The following MGAT4C variants were observed in gnomAD, a reference collection of about 807,000 sequenced individuals.
MGAT4C encodes alpha-1,3-mannosyl-glycoprotein 4-beta-N-acetylglucosaminyltransferase C.
A neutral mutation model predicts 40.1 loss-of-function variants in MGAT4C; 19 were observed. That is an observed-to-expected ratio of 0.47 (90% confidence interval 0.33 to 0.70). The LOEUF (loss-of-function observed/expected upper bound fraction) is 0.70, where lower values mean the gene tolerates loss of function less well. Ranked by LOEUF, MGAT4C falls within the 30% of genes least tolerant of loss-of-function variation. The pLI is 0.02. For missense variants in MGAT4C, 491 were observed against 563.2 expected, an observed-to-expected ratio of 0.87 and a Z score of 1.30; for synonymous variants, 181 against 187.1, an observed-to-expected ratio of 0.97 and a Z score of 0.27.
intron 2 of MGAT4C, among the ~76,000 whole-genome samples, chr12:86,469,557 G>C (rs1374485958): frequency 2.0e-5 from 3 of 152,142 alleles, no homozygotes; most frequent in Non-Finnish European, 4.4e-5. Context: ...AGTGAATCTT[G>C]TTAACAGTCA....
intron 2 of MGAT4C, among the ~76,000 whole-genome samples, chr12:86,007,467 A>G (rs1442580331): frequency 1.3e-5 from 2 of 152,118 alleles, no homozygotes; most frequent in African/African-American, 2.4e-5. Flanking sequence ...GTATCATAAG[A>G]TTTACCAAAA....
intron 2 of MGAT4C, among the ~76,000 whole-genome samples, chr12:86,533,520 T>C (rs117749459): frequency 0.011 from 1,666 of 152,044 alleles, 14 homozygotes; most frequent in South Asian, 0.03. Context: ...TTAACAGTCA[T>C]ATTGAATATC....
rs960972531 is a variant in MGAT4C, at chr12:86,314,396, T to C, written c.-57+19669A>G. On this transcript the variant is annotated intron_variant, in intron 4 of 7. Transcript: ENST00000548651. Reference sequence around the variant, plus strand: ...ATGGTGAACTGGAATAAGACAAGTATGCTCACTCTGAACACTCCTATTCAA... The same window carrying C: ...ATGGTGAACTGGAATAAGACAAGTACGCTCACTCTGAACACTCCTATTCAA... Among the ~76,000 whole-genome samples the C allele has an allele frequency of 1.1e-3, 164 of 152,132 alleles. 2 individuals are homozygous for C. The highest frequency in any genetic ancestry group is 3.3e-3 in the African/African-American group (135 of 41,428).
chr12:86,279,979 A>T (rs1953172677), intron 4 of MGAT4C, among the ~76,000 whole-genome samples: 1 of 151,978 alleles, frequency 6.6e-6, no homozygotes, highest in Non-Finnish European at 1.5e-5. Flanking sequence ...TTTCATTATG[A>T]TCAGAGAAGA....
At chr12:86,740,525 G>C (rs1465044537) in intron 1 of MGAT4C, among the ~76,000 whole-genome samples, 1 of 151,104 alleles carries the variant, frequency 6.6e-6, no homozygotes, top group Non-Finnish European at 1.5e-5. Context: ...ATATATTTTT[G>C]AAATTTAATG....
chr12:85,999,162 A>C (rs1246003658), intron 2 of MGAT4C, among the ~76,000 whole-genome samples: 1 of 152,128 alleles, frequency 6.6e-6, no homozygotes, highest in African/African-American at 2.4e-5. Flanking sequence ...CTTATTCACT[A>C]TCATGAGAAC....
intron 2 of MGAT4C, among the ~76,000 whole-genome samples, chr12:86,618,553 G>A (rs918800061): frequency 6.6e-6 from 1 of 152,190 alleles, no homozygotes; most frequent in Non-Finnish European, 1.5e-5. Flanking sequence ...AGGTGATTAT[G>A]TTAAGTGAAT....
intron 3 of MGAT4C, among the ~76,000 whole-genome samples, chr12:86,414,513 T>C (rs1300374229): frequency 6.6e-6 from 1 of 152,116 alleles, no homozygotes; most frequent in Non-Finnish European, 1.5e-5. Flanking sequence ...ATTTAGACAA[T>C]ATATGAGTTG....
intron 3 of MGAT4C, among the ~76,000 whole-genome samples, chr12:86,381,762 T>C (rs1472384004): frequency 6.6e-6 from 1 of 152,188 alleles, no homozygotes; most frequent in Non-Finnish European, 1.5e-5. Flanking sequence ...CATCTTGAAT[T>C]CCCATGTGTT....
At chr12:86,576,592 G>C (rs1046885702) in intron 2 of MGAT4C, among the ~76,000 whole-genome samples, 2 of 151,854 alleles carry the variant, frequency 1.3e-5, no homozygotes, top group African/African-American at 4.8e-5. Context: ...TTTCCCCAGT[G>C]TATGTTCTTG....
At chr12:86,043,451 C>T (rs942589146) in intron 2 of MGAT4C, among the ~76,000 whole-genome samples, 1 of 152,174 alleles carries the variant, frequency 6.6e-6, no homozygotes, top group African/African-American at 2.4e-5. Flanking sequence ...CAGGAAGCAT[C>T]CAGCAGAGGT....
At chr12:86,089,466 T>A (rs1410067495) in intron 1 of MGAT4C, among the ~76,000 whole-genome samples, 1 of 151,848 alleles carries the variant, frequency 6.6e-6, no homozygotes, top group East Asian at 1.9e-4. Flanking sequence ...ATTAAAATTG[T>A]TCATGTCTTT....
chr12:86,431,636 G>A (rs1451111094), intron 3 of MGAT4C, among the ~76,000 whole-genome samples: 1 of 152,122 alleles, frequency 6.6e-6, no homozygotes, highest in African/African-American at 2.4e-5. Flanking sequence ...CAGAATGCTT[G>A]TGTTAGCTTA....
At chr12:86,335,082 G>A (rs1592710205) in intron 3 of MGAT4C, among the ~76,000 whole-genome samples, 2 of 151,858 alleles carry the variant, frequency 1.3e-5, no homozygotes, top group East Asian at 3.9e-4. Flanking sequence ...TACATGTCAA[G>A]ATTTTTATAC....
intron 1 of MGAT4C, among the ~76,000 whole-genome samples, chr12:86,831,297 A>G (rs1952922709): frequency 6.6e-6 from 1 of 151,790 alleles, no homozygotes; most frequent in African/African-American, 2.4e-5. Context: ...TCTGGGAGGA[A>G]CAATACTATG....
chr12:86,342,246 C>T (rs1473968005), intron 3 of MGAT4C, among the ~76,000 whole-genome samples: 1 of 152,060 alleles, frequency 6.6e-6, no homozygotes, highest in Non-Finnish European at 1.5e-5. Context: ...TGGAGCAAGC[C>T]CCAAGCATAG....
intron 3 of MGAT4C, among the ~76,000 whole-genome samples, chr12:86,351,671 A>G (rs1955164317): frequency 6.6e-6 from 1 of 152,046 alleles, no homozygotes; most frequent in Admixed American, 6.6e-5. Flanking sequence ...GTACATTGAC[A>G]TGTTCAGTTT....
At chr12:86,720,733 A>C (rs759549980) in intron 2 of MGAT4C, among the ~76,000 whole-genome samples, 4 of 152,210 alleles carry the variant, frequency 2.6e-5, no homozygotes, top group Non-Finnish European at 4.4e-5. Flanking sequence ...CTAAAATATG[A>C]AACACAATTC....
chr12:86,213,836 T>C (rs1179491918), intron 1 of MGAT4C, among the ~76,000 whole-genome samples: 1 of 152,122 alleles, frequency 6.6e-6, no homozygotes. Context: ...AGAAAGAAAA[T>C]TTCTAGAGCA....
Sources: gnomAD v4.1 joint callset for allele counts (sites outside exome capture counted in the v4.1 genomes callset) on GRCh38, gnomAD v4.1.1 for gene constraint, MANE v1.5 for transcripts, NCBI Gene and HGNC (gene_info 2026-07-23, HGNC 2026-07-21) for gene names.